GRID2: variants seen among roughly 807,000 people sequenced by gnomAD.
The protein encoded by GRID2 is glutamate ionotropic receptor delta type subunit 2, also known as glutamate receptor ionotropic, delta-2.
In GRID2, 33 loss-of-function variants were observed where a neutral mutation model predicts 114.8. The ratio of observed to expected loss-of-function variants is 0.29; its 90% CI spans 0.22 to 0.38. The LOEUF is 0.38. Among genes scored for constraint, GRID2 ranks in the 10% least tolerant of loss-of-function variants. The pLI is 1.00. For synonymous variants in GRID2, 505 were observed against 449.9 expected, an observed-to-expected ratio of 1.12 and a Z score of -1.55; for missense variants, 1,184 against 1,257.7, an observed-to-expected ratio of 0.94 and a Z score of 0.89.
At chr4:93,042,606 C>CTT (rs34714356) in intron 2 of GRID2, among the ~76,000 whole-genome samples, 10 of 104,104 alleles carry the variant, frequency 9.6e-5, no homozygotes, top group African/African-American at 1.8e-4. Flanking sequence ...CATGATGAAT[C>CTT]TTTTCTCTCT....
chr4:93,134,940 C>T lies in GRID2; in HGVS notation c.735+23987C>T, dbSNP rs112802619. Reference sequence around the variant, plus strand: ...TAAATTACCCTTTACTGAGTTTCACCGTGCTCTCTCTGAAAATAAAAGCTA... The same window carrying T: ...TAAATTACCCTTTACTGAGTTTCACTGTGCTCTCTCTGAAAATAAAAGCTA... On this transcript the variant is annotated intron_variant, in intron 4 of 15. Coordinates refer to ENST00000282020, the MANE Select transcript of GRID2 (RefSeq NM_001510.4). Among the ~76,000 whole-genome samples the T allele has an allele frequency of 9.9e-5, 15 of 152,108 alleles. 1 individual carries two copies. The highest frequency in any genetic ancestry group is 4.1e-4 in the South Asian group (2 of 4,830).
At chr4:93,025,184 T>C (rs1172192909) in intron 2 of GRID2, among the ~76,000 whole-genome samples, 2 of 151,448 alleles carry the variant, frequency 1.3e-5, no homozygotes, top group African/African-American at 4.8e-5. Flanking sequence ...AGGAGAAAAT[T>C]TGAATCCACT....
intron 2 of GRID2, among the ~76,000 whole-genome samples, chr4:92,679,493 C>A (rs1050860770): frequency 6.6e-6 from 1 of 151,992 alleles, no homozygotes; most frequent in Non-Finnish European, 1.5e-5. Flanking sequence ...TTCAAGAAAT[C>A]AGGTACTAAA....
chr4:93,742,593 C>T (rs1043449982), intron 14 of GRID2, among the ~76,000 whole-genome samples: 4 of 152,152 alleles, frequency 2.6e-5, no homozygotes, highest in South Asian at 2.1e-4. Context: ...TAATAATTCT[C>T]GCAATAGTTC....
At chr4:92,328,026 A>G (rs1191857169) in intron 1 of GRID2, among the ~76,000 whole-genome samples, 1 of 152,098 alleles carries the variant, frequency 6.6e-6, no homozygotes, top group Non-Finnish European at 1.5e-5. Flanking sequence ...CTTCTAATAT[A>G]TGTTAATGTA....
intron 14 of GRID2, among the ~76,000 whole-genome samples, chr4:93,733,391 A>G (rs562890364): frequency 1.3e-5 from 2 of 152,290 alleles, no homozygotes; most frequent in East Asian, 1.9e-4. Context: ...CCTTATTTAC[A>G]AAGTAGATCA....
intron 1 of GRID2, among the ~76,000 whole-genome samples, chr4:92,313,837 G>A (rs924429826): frequency 7.9e-5 from 12 of 152,096 alleles, no homozygotes; most frequent in Non-Finnish European, 1.6e-4. Flanking sequence ...AATACTGATT[G>A]TAGAGAACCC....
chr4:93,232,261 G>A (rs890592567), intron 7 of GRID2, among the ~76,000 whole-genome samples: 3 of 151,990 alleles, frequency 2.0e-5, no homozygotes, highest in Non-Finnish European at 4.4e-5. Context: ...AAAATTATGT[G>A]ATTGCACATA....
At chr4:93,141,493 A>G (rs190215286) in intron 4 of GRID2, among the ~76,000 whole-genome samples, 5 of 152,338 alleles carry the variant, frequency 3.3e-5, no homozygotes, top group Admixed American at 2.6e-4. Context: ...AGAAGAAACA[A>G]AAGCAATGAT....
At chr4:93,786,036 G>GA (rs1734586750) in intron 1 of GRID2, among the ~76,000 whole-genome samples, 1 of 152,156 alleles carries the variant, frequency 6.6e-6, no homozygotes, top group Admixed American at 6.5e-5. Flanking sequence ...GTGTTAAATG[G>GA]AAAAAACTTA....
At chr4:93,115,201 A>G (rs529228228) in intron 4 of GRID2, among the ~76,000 whole-genome samples, 3 of 151,728 alleles carry the variant, frequency 2.0e-5, no homozygotes, top group South Asian at 2.1e-4. Context: ...ATTTATTTCT[A>G]CCTCCAGTTA....
intron 1 of GRID2, among the ~76,000 whole-genome samples, chr4:92,583,470 A>T (rs939624225): frequency 1.3e-5 from 2 of 152,032 alleles, no homozygotes; most frequent in Non-Finnish European, 2.9e-5. Context: ...ATGAACTGAG[A>T]AAAATATACC....
chr4:92,510,194 T>A, intron 1 of GRID2, among the ~76,000 whole-genome samples: 1 of 151,856 alleles, frequency 6.6e-6, no homozygotes. Flanking sequence ...GAAGTCAGAA[T>A]CTATAGAACT....
intron 1 of GRID2, among the ~76,000 whole-genome samples, chr4:92,539,508 C>G (rs1725822358): frequency 6.6e-6 from 1 of 151,722 alleles, no homozygotes; most frequent in African/African-American, 2.4e-5. Context: ...TTACTTTTGG[C>G]TGTTTTTTTG....
intron 2 of GRID2, among the ~76,000 whole-genome samples, chr4:92,829,124 C>T: frequency 6.6e-6 from 1 of 152,092 alleles, no homozygotes; most frequent in East Asian, 1.9e-4. Flanking sequence ...TCTAGGTTTT[C>T]TTCTAGGGTT....
intron 14 of GRID2, among the ~76,000 whole-genome samples, chr4:93,746,772 G>A (rs1731874266): frequency 6.6e-6 from 1 of 152,066 alleles, no homozygotes; most frequent in South Asian, 2.1e-4. Flanking sequence ...ACATAGTCAG[G>A]CTATTTAATT....
chr4:93,284,544 T>A (rs1270648674), intron 8 of GRID2, among the ~76,000 whole-genome samples: 1 of 151,570 alleles, frequency 6.6e-6, no homozygotes, highest in Non-Finnish European at 1.5e-5. Flanking sequence ...TATAATAAAT[T>A]AATAAATAAA....
At chr4:92,755,572 G>C (rs144640713) in intron 2 of GRID2, among the ~76,000 whole-genome samples, 1 of 152,166 alleles carries the variant, frequency 6.6e-6, no homozygotes, top group African/African-American at 2.4e-5. Flanking sequence ...TAAAGACCTG[G>C]ATGATGAGTG....
chr4:92,664,329 G>A (rs1732664455), intron 2 of GRID2, among the ~76,000 whole-genome samples: 1 of 150,492 alleles, frequency 6.6e-6, no homozygotes, highest in African/African-American at 2.4e-5. Context: ...TTTCTCTTTC[G>A]ATCAATTGGT....
Sources: allele counts gnomAD v4.1 joint callset (sites outside exome capture counted in the v4.1 genomes callset), GRCh38; gene constraint gnomAD v4.1.1; transcripts MANE v1.5; gene names NCBI Gene and HGNC (gene_info 2026-07-23, HGNC 2026-07-21).